The following SLCO2A1 variants were observed in gnomAD, a reference collection of about 807,000 sequenced individuals.
The protein encoded by SLCO2A1 is solute carrier organic anion transporter family member 2A1, also known as matrin F/G 1.
A neutral mutation model predicts 71.7 loss-of-function variants in SLCO2A1; 60 were observed. The observed-to-expected ratio is 0.84, with a 90% CI of 0.68 to 1.04. SLCO2A1 has a LOEUF of 1.04. Among genes scored for constraint, SLCO2A1 ranks in the 50% least tolerant of loss-of-function variants. The pLI, the probability that SLCO2A1 is intolerant of heterozygous loss-of-function variation, is 0.00. For synonymous variants in SLCO2A1, 308 were observed against 326.7 expected (o/e 0.94, Z 0.62); for missense variants, 745 against 813.4 (o/e 0.92, Z 1.02).
At chr3:133,975,395 T>C (rs568843630) in intron 2 of SLCO2A1, among the ~76,000 whole-genome samples, 1 of 152,312 alleles carries the variant, frequency 6.6e-6, no homozygotes, top group African/African-American at 2.4e-5. Context: ...CATAGCCACC[T>C]GGAAGCCAGT....
intron 3 of SLCO2A1, among the ~76,000 whole-genome samples, chr3:133,970,893 G>A (rs1934307328): frequency 6.6e-6 from 1 of 152,256 alleles, no homozygotes; most frequent in African/African-American, 2.4e-5. Flanking sequence ...TTGTCTTAGA[G>A]CACTGAGGTC....
At chr3:133,936,210 G>A (rs918773859) in intron 12 of SLCO2A1, among the ~76,000 whole-genome samples, 28 of 152,114 alleles carry the variant, frequency 1.8e-4, no homozygotes, top group Non-Finnish European at 3.8e-4. Context: ...GGAGATACAC[G>A]GGCCTCCACT....
chr3:134,028,495 T>C (rs1935741702), intron 1 of SLCO2A1, among the ~76,000 whole-genome samples: 1 of 152,230 alleles, frequency 6.6e-6, no homozygotes, highest in Non-Finnish European at 1.5e-5. Context: ...CTGTATTTAT[T>C]GCGGTGCGGA....
At chr3:133,936,237 T>C (rs1933267977) in intron 12 of SLCO2A1, among the ~76,000 whole-genome samples, 1 of 152,130 alleles carries the variant, frequency 6.6e-6, no homozygotes, top group African/African-American at 2.4e-5. Context: ...CAGGAGGCTC[T>C]CCAGGCATCG....
chr3:133,959,850 G>A (rs943633060), intron 3 of SLCO2A1, among the ~76,000 whole-genome samples: 1 of 152,158 alleles, frequency 6.6e-6, no homozygotes, highest in Non-Finnish European at 1.5e-5. Context: ...GCCGGGTGCG[G>A]TGGCTCATAC....
intron 1 of SLCO2A1, among the ~76,000 whole-genome samples, chr3:133,990,440 T>C (rs1197127587): frequency 3.3e-5 from 5 of 152,202 alleles, no homozygotes; most frequent in African/African-American, 1.2e-4. Flanking sequence ...CTGTCCCGTT[T>C]TTCAATGGGA....
At chr3:134,013,229 C>A (rs772559412) in intron 1 of SLCO2A1, among the ~76,000 whole-genome samples, 1 of 152,192 alleles carries the variant, frequency 6.6e-6, no homozygotes, top group Non-Finnish European at 1.5e-5. Context: ...TCAGTCTCAG[C>A]TCCCAGACAC....
At chr3:133,951,372 T>G in intron 5 of SLCO2A1, 28 bp from the exon 6 acceptor site, 1 of 1,611,888 alleles carries the variant, frequency 6.2e-7, no homozygotes, top group Non-Finnish European at 8.5e-7. Context: ...AGTGCAAATG[T>G]TTGTTGAATG....
chr3:134,010,287 A>C (rs890698790), intron 1 of SLCO2A1, among the ~76,000 whole-genome samples: 16 of 152,186 alleles, frequency 1.1e-4, no homozygotes, highest in African/African-American at 3.9e-4. Flanking sequence ...TATAAACAAA[A>C]GGGGTTTAAT....
chr3:134,007,638 G>A (rs962674295), intron 1 of SLCO2A1, among the ~76,000 whole-genome samples: 1 of 152,138 alleles, frequency 6.6e-6, no homozygotes, highest in African/African-American at 2.4e-5. Flanking sequence ...TGCTGACCCT[G>A]GAGTAGTGGG....
At chr3:133,969,158 G>A (rs1012767806) in intron 3 of SLCO2A1, among the ~76,000 whole-genome samples, 2 of 152,180 alleles carry the variant, frequency 1.3e-5, no homozygotes, top group African/African-American at 4.8e-5. Flanking sequence ...CAGGTCAGGC[G>A]CAGTGGCTCA....
chr3:133,953,605 G>T lies in SLCO2A1; in HGVS notation c.724+58C>A. ...TTCTCTGTTCTGATTGGATGAGGGGGCTGGGGGCTGCTTTATTGAGCTGGG... is the reference window on the plus strand; with the variant it reads ...TTCTCTGTTCTGATTGGATGAGGGGTCTGGGGGCTGCTTTATTGAGCTGGG... On this transcript the variant is annotated intron_variant, in intron 5 of 13. Transcript: ENST00000310926. The T allele has an allele frequency of 3.7e-6, 5 of 1,343,882 alleles. No homozygotes were observed. In the East Asian group the frequency reaches 1.1e-4, roughly 31 times the overall value. 83.2% of individuals were successfully genotyped at this position (1,343,882 alleles called of 1,614,324 possible).
chr3:133,995,156 A>ACACCTC (rs10691031), intron 1 of SLCO2A1, among the ~76,000 whole-genome samples: 88,685 of 151,074 alleles, frequency 0.59, 26,642 homozygotes, highest in South Asian at 0.72. Context: ...CAGTCACCAC[A>ACACCTC]CACCTCCAGG....
intron 1 of SLCO2A1, among the ~76,000 whole-genome samples, chr3:134,005,898 T>C (rs1935205529): frequency 6.6e-6 from 1 of 152,190 alleles, no homozygotes. Context: ...TTTTTAACCA[T>C]TTCCCCTTCC....
At chr3:133,986,612 C>G (rs1056247137) in intron 1 of SLCO2A1, among the ~76,000 whole-genome samples, 1 of 152,156 alleles carries the variant, frequency 6.6e-6, no homozygotes, top group Non-Finnish European at 1.5e-5. Flanking sequence ...AGGAAGGAAG[C>G]GGGGAAACTG....
intron 12 of SLCO2A1, among the ~76,000 whole-genome samples, chr3:133,937,028 T>C (rs529556007): frequency 3.0e-4 from 46 of 152,260 alleles, no homozygotes; most frequent in Admixed American, 2.4e-3. Flanking sequence ...GGTTTTCTCA[T>C]TGTGGTCCCA....
intron 1 of SLCO2A1, among the ~76,000 whole-genome samples, chr3:134,006,123 C>A (rs1485253561): frequency 6.6e-6 from 1 of 152,162 alleles, no homozygotes. Context: ...GTGGTGCAAT[C>A]ATGGCTAAAA....
In SLCO2A1 at chr3:134,017,653, C is replaced by G. The variant is rs138310243; in HGVS notation, c.96+12054G>C. 2.9e-3 allele frequency among the ~76,000 whole-genome samples: 437 copies of G among 152,306 alleles called. 2 individuals are homozygous for G. Among genetic ancestry groups the G allele is most frequent in the African/African-American group, 9.9e-3 (411 of 41,566 alleles). ...ACCATCACTGGCTCTCAGGCTCTGG[C>G]ACATAAATGGTCTGAAGGCCAGCGC... On this transcript the variant is annotated intron_variant, in intron 1 of 13. Coordinates refer to ENST00000310926, the MANE Select transcript of SLCO2A1 (RefSeq NM_005630.3).
chr3:134,000,877 C>T (rs1322423758), intron 1 of SLCO2A1, among the ~76,000 whole-genome samples: 1 of 152,212 alleles, frequency 6.6e-6, no homozygotes, highest in Non-Finnish European at 1.5e-5. Flanking sequence ...GAGCTTTGTG[C>T]CTTGTTAAAC....
Sources: gnomAD v4.1 joint callset for allele counts (sites outside exome capture counted in the v4.1 genomes callset) on GRCh38, gnomAD v4.1.1 for gene constraint, MANE v1.5 for transcripts, NCBI Gene and HGNC (gene_info 2026-07-23, HGNC 2026-07-21) for gene names.